Variants in WDR27 observed in about 807,000 individuals in gnomAD.
The protein encoded by WDR27 is WD repeat domain 27.
WDR27 carries 100 observed loss-of-function variants against 114.4 expected under a neutral mutation model. The ratio of observed to expected loss-of-function variants is 0.87; its 90% CI spans 0.74 to 1.03. WDR27 has a LOEUF of 1.03. Among genes scored for constraint, WDR27 ranks in the 50% least tolerant of loss-of-function variants. The pLI, the probability that WDR27 is intolerant of heterozygous loss-of-function variation, is 0.00. For missense variants in WDR27, 1,129 were observed against 1,092.9 expected (o/e 1.03, Z -0.47); for synonymous variants, 449 against 423.1 (o/e 1.06, Z -0.75).
intron 25 of WDR27, among the ~76,000 whole-genome samples, chr6:169,514,540 G>T (rs1471923843): frequency 3.2e-5 from 1 of 31,636 alleles, no homozygotes; most frequent in Non-Finnish European, 1.2e-4. Flanking sequence ...TTATATATTT[G>T]GGGGAAAAAT....
chr6:169,666,455 C>G, intron 6 of WDR27: 1 of 985,488 alleles, frequency 1.0e-6, no homozygotes, highest in Non-Finnish European at 1.2e-6. Context: ...CCCTAACTCT[C>G]TTCTTCTGGG....
intron 21 of WDR27, among the ~76,000 whole-genome samples, chr6:169,624,439 G>A (rs904815409): frequency 1.3e-5 from 2 of 152,102 alleles, no homozygotes; most frequent in Admixed American, 6.6e-5. Flanking sequence ...TCTCAAGCTC[G>A]AGTGACTTAG....
At chr6:169,491,623 G>A (rs1340611074) in intron 25 of WDR27, among the ~76,000 whole-genome samples, 1 of 152,082 alleles carries the variant, frequency 6.6e-6, no homozygotes, top group Non-Finnish European at 1.5e-5. Context: ...CCTGGCTTTG[G>A]GTGCAGAATT....
chr6:169,701,990 A>C lies in WDR27; in HGVS notation c.-447T>G. On this transcript the variant is annotated 5_prime_UTR_variant, in exon 1 of 26. Transcript: ENST00000448612. ...CACACTCCGCCCCACGCTCGCCGCT[A>C]TGGTTACTTGCCAGCCGACCCACGC... 2.4e-6 allele frequency: 1 copy of C among 411,462 alleles called. No individual in the cohort carries two copies. Among genetic ancestry groups the C allele is most frequent in the Non-Finnish European group, 4.9e-6 (1 of 203,782 alleles). The allele number at this position is 411,462 out of a possible 1,614,324, so 25.5% of individuals were successfully genotyped here. A position where few individuals can be genotyped will look rare whatever the true frequency, so the allele number is the denominator to read the frequency against.
intron 2 of WDR27, among the ~76,000 whole-genome samples, chr6:169,680,156 T>C (rs1397374536): frequency 6.6e-6 from 1 of 152,270 alleles, no homozygotes; most frequent in Middle Eastern, 3.4e-3. Flanking sequence ...TTAAATAAAA[T>C]ACTTCAGGCA....
chr6:169,440,734 C>G, the WDR27 span, among the ~76,000 whole-genome samples: 1 of 152,116 alleles, frequency 6.6e-6, no homozygotes, highest in Non-Finnish European at 1.5e-5. Flanking sequence ...ATTCTTAAGT[C>G]CACCTGTTGG....
intron 25 of WDR27, among the ~76,000 whole-genome samples, chr6:169,462,735 A>G (rs1454697959): frequency 6.6e-6 from 1 of 152,200 alleles, no homozygotes; most frequent in Non-Finnish European, 1.5e-5. Context: ...AGCAAATGGA[A>G]TTCAGCAGCA....
intron 25 of WDR27, among the ~76,000 whole-genome samples, chr6:169,524,024 T>C (rs2865097): frequency 0.83 from 125,939 of 152,082 alleles, 53,484 homozygotes; most frequent in Non-Finnish European, 0.93. Flanking sequence ...TGACATGATC[T>C]TGTACTTAGA....
At chr6:169,520,902 A>T (rs77609961) in intron 25 of WDR27, among the ~76,000 whole-genome samples, 10 of 152,288 alleles carry the variant, frequency 6.6e-5, no homozygotes, top group Non-Finnish European at 1.3e-4. Flanking sequence ...ACCTCAAAAG[A>T]TAAAATCTAA....
At chr6:169,673,361 C>G (rs939297407) in intron 2 of WDR27, among the ~76,000 whole-genome samples, 54 of 151,858 alleles carry the variant, frequency 3.6e-4, no homozygotes, top group African/African-American at 1.3e-3. Flanking sequence ...TCATTAGTAC[C>G]AATCCTACTG....
At chr6:169,595,796 T>C (rs1254854826) in intron 23 of WDR27, among the ~76,000 whole-genome samples, 3 of 151,758 alleles carry the variant, frequency 2.0e-5, no homozygotes, top group Non-Finnish European at 2.9e-5. Flanking sequence ...TATTTTTTTT[T>C]TTTTCAATAT....
chr6:169,695,686 T>C (rs1463950606), intron 1 of WDR27, among the ~76,000 whole-genome samples: 1 of 152,180 alleles, frequency 6.6e-6, no homozygotes, highest in Non-Finnish European at 1.5e-5. Context: ...CTCCCTAAGA[T>C]GTCTGCATGC....
chr6:169,578,069 T>C (rs951246244), intron 24 of WDR27, among the ~76,000 whole-genome samples: 6 of 152,268 alleles, frequency 3.9e-5, no homozygotes, highest in East Asian at 1.9e-4. Flanking sequence ...CTCTAATGTG[T>C]GTTTTATCCT....
chr6:169,581,862 T>C (rs1227094814), intron 24 of WDR27, among the ~76,000 whole-genome samples: 1 of 152,248 alleles, frequency 6.6e-6, no homozygotes, highest in Non-Finnish European at 1.5e-5. Flanking sequence ...TCACACGCGC[T>C]AGGCCAGAGC....
At chr6:169,544,887 T>A (rs1797259753) in intron 25 of WDR27, among the ~76,000 whole-genome samples, 1 of 152,202 alleles carries the variant, frequency 6.6e-6, no homozygotes, top group African/African-American at 2.4e-5. Context: ...CATTACAAAA[T>A]GTTGACAAAA....
chr6:169,680,746 A>G (rs1243394359), intron 2 of WDR27, among the ~76,000 whole-genome samples: 1 of 152,230 alleles, frequency 6.6e-6, no homozygotes, highest in Non-Finnish European at 1.5e-5. Context: ...AAGAGATACA[A>G]TGCTAACATT....
chr6:169,638,421 C>A, intron 18 of WDR27, 118 bp downstream of exon 18: 1 of 1,315,198 alleles, frequency 7.6e-7, no homozygotes, highest in Non-Finnish European at 1.0e-6. Context: ...TGCATTAAAG[C>A]AAACTCTTGG....
intron 25 of WDR27, among the ~76,000 whole-genome samples, chr6:169,458,006 A>AGGAGGAGGAGGG (rs869143503): frequency 7.1e-6 from 1 of 139,874 alleles, no homozygotes; most frequent in African/African-American, 2.6e-5. Context: ...GAGGAGGAGG[A>AGGAGGAGGAGGG]GGTGGTGGTG....
At chr6:169,579,296 A>G (rs932313667) in intron 24 of WDR27, among the ~76,000 whole-genome samples, 2 of 152,258 alleles carry the variant, frequency 1.3e-5, no homozygotes, top group African/African-American at 4.8e-5. Context: ...TTGTCAAAAC[A>G]GCCCACTTCA....
Sources: allele counts gnomAD v4.1 joint callset (sites outside exome capture counted in the v4.1 genomes callset), GRCh38; gene constraint gnomAD v4.1.1; transcripts MANE v1.5; gene names NCBI Gene and HGNC (gene_info 2026-07-23, HGNC 2026-07-21).